Variants in RYR2 observed in about 807,000 individuals in gnomAD.
RYR2 encodes the protein cardiac muscle ryanodine receptor-calcium release channel.
In RYR2, 227 loss-of-function variants were observed where a neutral mutation model predicts 601.1. The observed-to-expected ratio is 0.38, with a 90% CI of 0.34 to 0.42. The LOEUF (loss-of-function observed/expected upper bound fraction) is 0.42. Among genes scored for constraint, RYR2 ranks in the 10% least tolerant of loss-of-function variants. The probability of loss-of-function intolerance (pLI) is 1.00; values close to 1 mark genes in which losing one functional copy is unlikely to be tolerated. For missense variants in RYR2, 4,646 were observed against 6,156.5 expected (o/e 0.75, Z 8.21); for synonymous variants, 2,223 against 2,175.1 (o/e 1.02, Z -0.61).
At chr1:237,315,982 T>A (rs1160623377) in intron 2 of RYR2, among the ~76,000 whole-genome samples, 2 of 152,098 alleles carry the variant, frequency 1.3e-5, no homozygotes, top group African/African-American at 2.4e-5. Flanking sequence ...GAGGGAAGTC[T>A]AATTTGGTGG....
intron 10 of RYR2, among the ~76,000 whole-genome samples, chr1:237,392,169 A>G (rs1479615557): frequency 6.6e-6 from 1 of 152,180 alleles, no homozygotes; most frequent in African/African-American, 2.4e-5. Context: ...AGAATGAGTT[A>G]AAGAGAAGCA....
intron 12 of RYR2, among the ~76,000 whole-genome samples, chr1:237,433,855 A>G (rs1201095001): frequency 6.6e-6 from 1 of 152,184 alleles, no homozygotes; most frequent in Admixed American, 6.5e-5. Flanking sequence ...TACTTACATT[A>G]TGAAAGGCAA....
intron 19 of RYR2, among the ~76,000 whole-genome samples, chr1:237,495,289 G>A (rs1013221959): frequency 3.9e-5 from 6 of 152,116 alleles, no homozygotes; most frequent in African/African-American, 1.4e-4. Context: ...CTAGCAAATG[G>A]ATGCTCAAAT....
At chr1:237,794,100 A>G (rs758480832) in intron 95 of RYR2, 103 bp downstream of exon 95, 17 of 940,804 alleles carry the variant, frequency 1.8e-5, no homozygotes, top group Non-Finnish European at 2.6e-5. Context: ...GCAGAGGTGA[A>G]TAATAGTTAT....
chr1:237,685,198 T>G (rs971014429), intron 62 of RYR2, among the ~76,000 whole-genome samples: 3 of 152,152 alleles, frequency 2.0e-5, no homozygotes, highest in African/African-American at 7.2e-5. Flanking sequence ...TAGAAAATAT[T>G]TTTTAGAGAA....
intron 5 of RYR2, among the ~76,000 whole-genome samples, chr1:237,367,164 G>A (rs986985707): frequency 6.6e-6 from 1 of 152,096 alleles, no homozygotes; most frequent in Non-Finnish European, 1.5e-5. Context: ...TGTGACCTCG[G>A]CTCACTGCAA....
At chr1:237,181,629 A>G (rs766660478) in intron 1 of RYR2, among the ~76,000 whole-genome samples, 1 of 152,178 alleles carries the variant, frequency 6.6e-6, no homozygotes. Context: ...TGCCTCAACT[A>G]GAAATAAAGC....
At chr1:237,746,223 C>T (rs970694109) in intron 80 of RYR2, among the ~76,000 whole-genome samples, 1 of 152,082 alleles carries the variant, frequency 6.6e-6, no homozygotes, top group Non-Finnish European at 1.5e-5. Context: ...ACATAAGTTA[C>T]AAATATGAAA....
At chr1:237,117,679 T>C (rs1572694154) in intron 1 of RYR2, among the ~76,000 whole-genome samples, 1 of 41,956 alleles carries the variant, frequency 2.4e-5, no homozygotes, top group African/African-American at 1.1e-4. Context: ...TTCCTTCTCT[T>C]CTCTTCTCTT....
At position 237,186,824 on chromosome 1, in the gene RYR2, T is replaced by A. The variant is rs183146118; in HGVS notation, c.49-83673T>A. Among the ~76,000 whole-genome samples, 11 of 152,328 alleles carry A rather than the reference T, an allele frequency of 7.2e-5. No individual in the cohort carries two copies. In the East Asian group the frequency reaches 2.1e-3, roughly 29 times the overall value. ...TGGCATAGCTGAAGCCTGCAGTAAA[T>A]TTTCAGCATCTGGATATATTTGTGT... On this transcript the variant is annotated intron_variant, in intron 1 of 104. Transcript: ENST00000366574.
rs749580316 is a variant in RYR2 at position 237,248,267 on chromosome 1, A to C, written c.49-22230A>C. 1.9e-3 allele frequency among the ~76,000 whole-genome samples: 110 copies of C among 57,328 alleles called. 10 individuals are homozygous for C. Among genetic ancestry groups the C allele is most frequent in the Admixed American group, 4.7e-3 (18 of 3,826 alleles). The allele number at this position is 57,328 out of a possible 152,430, so 37.6% of individuals were successfully genotyped here. ...AGCCTTGACAATAGAGCAAGACTCC[A>C]CCCCCCGCAACCCCGCCCCCCCCCC... On this transcript the variant is annotated intron_variant, in intron 1 of 104. Coordinates refer to ENST00000366574, the MANE Select transcript of RYR2 (RefSeq NM_001035.3).
chr1:237,292,412 T>C (rs774116840), intron 2 of RYR2, among the ~76,000 whole-genome samples: 6 of 152,228 alleles, frequency 3.9e-5, no homozygotes, highest in Non-Finnish European at 5.9e-5. Flanking sequence ...TACACATTAA[T>C]GATAAACATT....
chr1:237,707,918 T>C (rs1222916307), intron 68 of RYR2, among the ~76,000 whole-genome samples: 1 of 149,394 alleles, frequency 6.7e-6, no homozygotes, highest in Non-Finnish European at 1.5e-5. Context: ...ATTACAGGCA[T>C]CTGCCACCAT....
At chr1:237,073,899 T>G (rs997378527) in intron 1 of RYR2, among the ~76,000 whole-genome samples, 12 of 150,846 alleles carry the variant, frequency 8.0e-5, no homozygotes, top group Non-Finnish European at 1.5e-4. Context: ...CAGTAGTGAT[T>G]GATTACATGT....
intron 58 of RYR2, among the ~76,000 whole-genome samples, chr1:237,668,733 A>G (rs75400701): frequency 0.019 from 2,834 of 152,332 alleles, 86 homozygotes; most frequent in African/African-American, 0.064. Flanking sequence ...GAAGGGGAGA[A>G]GATTTTGAAA....
At chr1:237,375,888 T>C (rs910531444) in intron 7 of RYR2, among the ~76,000 whole-genome samples, 8 of 152,194 alleles carry the variant, frequency 5.3e-5, no homozygotes, top group Non-Finnish European at 1.0e-4. Context: ...GATTATGTAA[T>C]AGTCAAAACA....
intron 1 of RYR2, among the ~76,000 whole-genome samples, chr1:237,263,574 G>A (rs2149320851): frequency 6.6e-6 from 1 of 152,348 alleles, no homozygotes; most frequent in South Asian, 2.1e-4. Context: ...GTGGCATGGG[G>A]AGATACTAAA....
chr1:237,043,219 G>A (rs538706796), intron 1 of RYR2, among the ~76,000 whole-genome samples: 13 of 152,274 alleles, frequency 8.5e-5, no homozygotes, highest in African/African-American at 2.6e-4. Flanking sequence ...CGCGGTTCCC[G>A]GGGCTGGTGC....
intron 1 of RYR2, among the ~76,000 whole-genome samples, chr1:237,155,359 G>A (rs966831438): frequency 6.6e-6 from 1 of 151,722 alleles, no homozygotes; most frequent in African/African-American, 2.4e-5. Flanking sequence ...GTATTTTTTA[G>A]TAGAGATGGG....
Sources: gnomAD v4.1 joint callset for allele counts (sites outside exome capture counted in the v4.1 genomes callset) on GRCh38, gnomAD v4.1.1 for gene constraint, MANE v1.5 for transcripts, NCBI Gene and HGNC (gene_info 2026-07-23, HGNC 2026-07-21) for gene names.